The following PCDHGA1 variants were observed in gnomAD, a reference collection of about 807,000 sequenced individuals.
PCDHGA1 encodes protocadherin gamma-A1.
Under a neutral mutation model 58.0 loss-of-function variants are expected in PCDHGA1, and 32 were observed. That is an observed-to-expected ratio of 0.55 (90% CI 0.42 to 0.74). The LOEUF (loss-of-function observed/expected upper bound fraction) is 0.74, where lower values mean the gene tolerates loss of function less well. PCDHGA1 is among the 30% of genes least tolerant of loss of function. The pLI is 0.00. For missense variants in PCDHGA1, 1,205 were observed against 1,182.3 expected, an observed-to-expected ratio of 1.02 and a Z score of -0.28; for synonymous variants, 498 against 501.1, an observed-to-expected ratio of 0.99 and a Z score of 0.08.
chr5:141,362,331 C>A, intron 1 of PCDHGA1: 1 of 1,614,076 alleles, frequency 6.2e-7, no homozygotes. Flanking sequence ...CTGGTCTCAG[C>A]TCCAAGCCTG....
At chr5:141,350,322 C>CTT in intron 1 of PCDHGA1, 1 of 1,532,296 alleles carries the variant, frequency 6.5e-7, no homozygotes, top group Non-Finnish European at 8.8e-7. Context: ...TTCCTGCTGT[C>CTT]TTTGTTCTGC....
At chr5:141,341,892 A>G (rs1177379992) in intron 1 of PCDHGA1, 1 of 160,794 alleles carries the variant, frequency 6.2e-6, no homozygotes, top group Non-Finnish European at 1.4e-5. Context: ...TCAGTTTGGC[A>G]GCAAAATTGT....
chr5:141,423,760 G>GT, intron 1 of PCDHGA1: 1 of 279,664 alleles, frequency 3.6e-6, no homozygotes, highest in Non-Finnish European at 5.3e-6. Flanking sequence ...TGGGGGGGGG[G>GT]TGGGGCGGCA....
chr5:141,489,546 C>T lies in PCDHGA1; in HGVS notation c.2422-5261C>T, dbSNP rs1404605129. ...GCCTATGTGGAGCCAGCACCAGCTGCCTGCTGCCAGTGCAGGTGGTGACTG... is the reference window on the plus strand; with the variant it reads ...GCCTATGTGGAGCCAGCACCAGCTGTCTGCTGCCAGTGCAGGTGGTGACTG... On this transcript the variant is annotated intron_variant, in intron 1 of 3. Coordinates refer to ENST00000517417, the MANE Select transcript of PCDHGA1 (RefSeq NM_018912.3). The surrounding 1 kb of genome is among the most constrained non-coding windows in gnomAD (Gnocchi z 4.5). 2 of 1,614,076 alleles carry T rather than the reference C, an allele frequency of 1.2e-6. No homozygotes were observed. The highest frequency in any genetic ancestry group is 2.2e-5 in the East Asian group (1 of 44,868).
chr5:141,366,936 C>A, intron 1 of PCDHGA1: 1 of 864,802 alleles, frequency 1.2e-6, no homozygotes, highest in African/African-American at 1.7e-5. Context: ...TTTGGGAAGT[C>A]TAGCTGATAT....
At chr5:141,375,106 T>A (rs1771135818) in intron 1 of PCDHGA1, 2 of 1,613,952 alleles carry the variant, frequency 1.2e-6, no homozygotes, top group East Asian at 4.5e-5. Context: ...TGGATGTCAA[T>A]GATAATGTAC....
At chr5:141,360,693 A>T (rs951041324) in intron 1 of PCDHGA1, 1 of 1,613,908 alleles carries the variant, frequency 6.2e-7, no homozygotes, top group Non-Finnish European at 8.5e-7. Flanking sequence ...AACAGACTCC[A>T]GATGGTCGTA....
Position 141,491,522 on chromosome 5 carries a change from A to G in PCDHGA1, c.2422-3285A>G, listed in dbSNP as rs778246278. ...TCGGACGGCACGCTCAAGTACATGG[A>G]GGTGACGCTGCGGCCCACAGACTCG... is the stretch of plus-strand genomic sequence containing the variant. On this transcript the variant is annotated intron_variant, in intron 1 of 3. Coordinates refer to ENST00000517417, the MANE Select transcript of PCDHGA1 (RefSeq NM_018912.3). The surrounding 1 kb of genome is among the most constrained non-coding windows in gnomAD (Gnocchi z 6.9). 8.1e-6 allele frequency: 13 copies of G among 1,614,024 alleles called. No homozygotes were observed. Among genetic ancestry groups the G allele is most frequent in the Non-Finnish European group, 1.1e-5 (13 of 1,180,002 alleles).
At chr5:141,483,700 T>C (rs1003495517) in intron 1 of PCDHGA1, among the ~76,000 whole-genome samples, 4 of 152,090 alleles carry the variant, frequency 2.6e-5, no homozygotes, top group Admixed American at 2.6e-4. Context: ...ATTCCTCTTT[T>C]TGACACCAGA....
chr5:141,487,811 A>C lies in PCDHGA1; in HGVS notation c.2422-6996A>C, dbSNP rs1389081995. 2 of 1,414,662 alleles carry C rather than the reference A, an allele frequency of 1.4e-6. No homozygotes were observed. The highest frequency in any genetic ancestry group is 1.9e-6 in the Non-Finnish European group (2 of 1,041,698). The allele number at this position is 1,414,662 out of a possible 1,614,324, so 87.6% of individuals were successfully genotyped here. On this transcript the variant is annotated intron_variant, in intron 1 of 3. Coordinates refer to ENST00000517417, the MANE Select transcript of PCDHGA1 (RefSeq NM_018912.3). This position sits in a 1 kb window ranked among gnomAD's most constrained non-coding sequence, Gnocchi z 5.0. ...TTAACCAGAGTTGTCACAGTTTAGC[A>C]TTGGGGGCGGGTCATGCCTATATCT...
At position 141,476,749 on chromosome 5, in the gene PCDHGA1, G is replaced by C; in HGVS notation, c.2422-18058G>C. On this transcript the variant is annotated intron_variant, in intron 1 of 3. Transcript: ENST00000517417. The surrounding 1 kb of genome is among the most constrained non-coding windows in gnomAD (Gnocchi z 7.6). ...ACCGAGAACGGGAGCCTAGTCTCCA[G>C]TTAGTGCTGACGGCGTTGGACGGAG... is the stretch of plus-strand genomic sequence containing the variant. 1.9e-6 allele frequency: 3 copies of C among 1,614,042 alleles called. No homozygotes were observed. The highest frequency in any genetic ancestry group is 2.5e-6 in the Non-Finnish European group (3 of 1,180,038).
chr5:141,422,723 G>A lies in PCDHGA1; in HGVS notation c.2422-72084G>A. The stretch of plus-strand genomic sequence containing the variant: ...TCTCTGACGGATGACACTGTCCAGG[G>A]GGTGCCTCTGTCCTCCTATGTCTCT... On this transcript the variant is annotated intron_variant, in intron 1 of 3. Coordinates refer to ENST00000517417, the MANE Select transcript of PCDHGA1 (RefSeq NM_018912.3). The A allele has an allele frequency of 1.2e-6, 2 of 1,605,958 alleles. No homozygotes were observed. The highest frequency in any genetic ancestry group is 1.7e-6 in the Non-Finnish European group (2 of 1,175,478).
chr5:141,446,594 A>G (rs571957656), intron 1 of PCDHGA1, among the ~76,000 whole-genome samples: 8 of 152,136 alleles, frequency 5.3e-5, no homozygotes, highest in African/African-American at 1.9e-4. Flanking sequence ...CTTCTGCCTC[A>G]GCCTCCTGAG....
chr5:141,403,613 C>T lies in PCDHGA1; in HGVS notation c.2421+70508C>T, dbSNP rs769394271. On this transcript the variant is annotated intron_variant, in intron 1 of 3. Transcript: ENST00000517417. ...CACGGCCTCGGATGGCGGCGAGCCG[C>T]GTCGCTCCAGCACAGTGCGCATCCA... The T allele has an allele frequency of 3.5e-5, 56 of 1,613,778 alleles. No homozygotes were observed. Among genetic ancestry groups the T allele is most frequent in the Non-Finnish European group, 4.7e-5 (55 of 1,179,908 alleles).
chr5:141,387,071 C>T (rs1487403463), intron 1 of PCDHGA1, among the ~76,000 whole-genome samples: 2 of 152,172 alleles, frequency 1.3e-5, no homozygotes, highest in African/African-American at 4.8e-5. Flanking sequence ...GAGGAGTAGG[C>T]TACTGCCTGT....
intron 1 of PCDHGA1, chr5:141,341,847 C>T (rs1450250488): frequency 1.1e-5 from 2 of 183,084 alleles, no homozygotes; most frequent in Non-Finnish European, 1.1e-5. Flanking sequence ...TGTTAGTTGG[C>T]TAGTTCTTTC....
chr5:141,500,187 TATTTA>T (rs1467273493), intron 2 of PCDHGA1, among the ~76,000 whole-genome samples: 2 of 110,668 alleles, frequency 1.8e-5, no homozygotes, highest in Non-Finnish European at 3.6e-5. Flanking sequence ...TTTTTATTTT[TATTTA>T]TTTATTTATT....
chr5:141,343,288 T>C (rs749521928), intron 1 of PCDHGA1: 14 of 968,282 alleles, frequency 1.4e-5, no homozygotes, highest in Admixed American at 6.2e-5. Flanking sequence ...TAAAGAAATA[T>C]AATGTATAAA....
At chr5:141,497,464 TGGA>T (rs769464389) in intron 2 of PCDHGA1, among the ~76,000 whole-genome samples, 3 of 151,764 alleles carry the variant, frequency 2.0e-5, no homozygotes, top group Non-Finnish European at 4.4e-5. Context: ...CTTGGAGATA[TGGA>T]GGAGAAGGTG....
Sources: allele counts gnomAD v4.1 joint callset (sites outside exome capture counted in the v4.1 genomes callset), GRCh38; gene constraint gnomAD v4.1.1; non-coding constraint Gnocchi (gnomAD v3.1); transcripts MANE v1.5; gene names NCBI Gene and HGNC (gene_info 2026-07-23, HGNC 2026-07-21).